GRM1: variants seen among roughly 807,000 people sequenced by gnomAD.
GRM1 encodes metabotropic glutamate receptor 1.
A neutral mutation model predicts 90.9 loss-of-function variants in GRM1; 33 were observed. That is an observed-to-expected ratio of 0.36 (90% CI 0.28 to 0.49). The LOEUF (loss-of-function observed/expected upper bound fraction) is 0.49. Ranked by LOEUF, GRM1 falls within the 20% of genes least tolerant of loss-of-function variation. GRM1 has a pLI of 0.99. For synonymous variants in GRM1, 700 were observed against 613.2 expected (o/e 1.14, Z -2.09); for missense variants, 1,190 against 1,534.3 (o/e 0.78, Z 3.75).
At chr6:146,070,351 T>C (rs1775983348) in intron 1 of GRM1, among the ~76,000 whole-genome samples, 1 of 152,178 alleles carries the variant, frequency 6.6e-6, no homozygotes, top group African/African-American at 2.4e-5. Context: ...ATGATTTTAT[T>C]GAATACTTAG....
At chr6:146,320,200 T>C (rs1385645786) in intron 3 of GRM1, among the ~76,000 whole-genome samples, 5 of 152,230 alleles carry the variant, frequency 3.3e-5, no homozygotes, top group Admixed American at 3.3e-4. Flanking sequence ...ATCAAGGCCT[T>C]TTCTACATCT....
At chr6:146,260,316 GCA>G (rs1781642623) in intron 2 of GRM1, among the ~76,000 whole-genome samples, 1 of 152,020 alleles carries the variant, frequency 6.6e-6, no homozygotes, top group African/African-American at 2.4e-5. Context: ...CCATGTCCCT[GCA>G]AAGGACATGA....
At chr6:146,117,194 A>G (rs1225297047) in intron 1 of GRM1, among the ~76,000 whole-genome samples, 1 of 149,642 alleles carries the variant, frequency 6.7e-6, no homozygotes, top group African/African-American at 2.5e-5. Context: ...ATGCTTATCT[A>G]TTAATATTTT....
intron 2 of GRM1, among the ~76,000 whole-genome samples, chr6:146,201,123 A>T (rs1015065068): frequency 6.6e-6 from 1 of 152,160 alleles, no homozygotes; most frequent in Non-Finnish European, 1.5e-5. Flanking sequence ...TCTTTAAGGG[A>T]TGTTCAGTGA....
chr6:146,249,842 G>T (rs1781208705), intron 2 of GRM1, among the ~76,000 whole-genome samples: 1 of 152,180 alleles, frequency 6.6e-6, no homozygotes, highest in Non-Finnish European at 1.5e-5. Context: ...CCAGGGGGTG[G>T]GTTGAGAGGG....
chr6:146,198,094 G>A (rs1307201052), intron 2 of GRM1, among the ~76,000 whole-genome samples: 1 of 152,234 alleles, frequency 6.6e-6, no homozygotes, highest in Non-Finnish European at 1.5e-5. Flanking sequence ...TATCATGGAT[G>A]TTTGCACATA....
intron 1 of GRM1, among the ~76,000 whole-genome samples, chr6:146,051,041 G>A (rs1479592925): frequency 6.6e-6 from 1 of 151,936 alleles, no homozygotes; most frequent in Non-Finnish European, 1.5e-5. Context: ...TATAGTTCAA[G>A]CAGACACATA....
intron 1 of GRM1, among the ~76,000 whole-genome samples, chr6:146,121,374 C>A (rs1308667344): frequency 6.6e-6 from 1 of 151,958 alleles, no homozygotes; most frequent in Non-Finnish European, 1.5e-5. Context: ...TTTGTTGATC[C>A]TTTCAAAAAG....
intron 7 of GRM1, among the ~76,000 whole-genome samples, chr6:146,402,792 G>A (rs1167923212): frequency 6.6e-6 from 1 of 152,102 alleles, no homozygotes; most frequent in African/African-American, 2.4e-5. Flanking sequence ...TCTGTTTTTA[G>A]CAAAGTTTAC....
chr6:146,200,804 G>A (rs1779273894), intron 2 of GRM1, among the ~76,000 whole-genome samples: 1 of 152,094 alleles, frequency 6.6e-6, no homozygotes, highest in South Asian at 2.1e-4. Context: ...TAAAAGAGAG[G>A]GAAAGAGGAG....
Position 146,029,327 on chromosome 6 carries a change from G to A in GRM1, c.-191G>A. 1.6e-6 allele frequency: 1 copy of A among 626,436 alleles called. No homozygotes were observed. The highest frequency in any genetic ancestry group is 2.8e-6 in the Non-Finnish European group (1 of 351,566). 38.8% of individuals were successfully genotyped at this position (626,436 alleles called of 1,614,324 possible). A position where few individuals can be genotyped will look rare whatever the true frequency, so the allele number is the denominator to read the frequency against. The stretch of plus-strand genomic sequence containing the variant: ...TCCAGCTTGTAGAGGCGGTCGTGGA[G>A]GACCCAGAGGAGGAGACGAAGGGGA... On this transcript the variant is annotated 5_prime_UTR_variant, in exon 1 of 8. Coordinates refer to ENST00000282753, the MANE Select transcript of GRM1 (RefSeq NM_001278064.2).
intron 2 of GRM1, among the ~76,000 whole-genome samples, chr6:146,203,416 A>C (rs1779389610): frequency 6.6e-6 from 1 of 152,228 alleles, no homozygotes; most frequent in South Asian, 2.1e-4. Context: ...TCCAGCTAGC[A>C]GACATAGAAA....
chr6:146,341,505 A>C (rs1784979272), intron 3 of GRM1, among the ~76,000 whole-genome samples: 1 of 152,208 alleles, frequency 6.6e-6, no homozygotes, highest in Non-Finnish European at 1.5e-5. Flanking sequence ...TTTGTCTCAT[A>C]TATTCTCATC....
chr6:146,248,536 T>C (rs987212630), intron 2 of GRM1, among the ~76,000 whole-genome samples: 2 of 152,186 alleles, frequency 1.3e-5, no homozygotes, highest in African/African-American at 4.8e-5. Flanking sequence ...CTTTGCCTTC[T>C]GCCATGATTG....
At chr6:146,086,202 G>A (rs188624994) in intron 1 of GRM1, among the ~76,000 whole-genome samples, 3 of 152,142 alleles carry the variant, frequency 2.0e-5, no homozygotes, top group Non-Finnish European at 4.4e-5. Context: ...TATCATTTTC[G>A]TAAAGGCTAA....
chr6:146,092,325 C>T (rs1776741689), intron 1 of GRM1, among the ~76,000 whole-genome samples: 1 of 152,028 alleles, frequency 6.6e-6, no homozygotes, highest in Non-Finnish European at 1.5e-5. Flanking sequence ...CTACTGGGGA[C>T]TAGGGTTTCA....
chr6:146,320,901 A>C (rs1013991757), intron 3 of GRM1, among the ~76,000 whole-genome samples: 2 of 151,520 alleles, frequency 1.3e-5, no homozygotes, highest in African/African-American at 4.9e-5. Flanking sequence ...CTATTTGGTT[A>C]ATCTTTTCAA....
chr6:146,146,181 C>A (rs550787497), intron 1 of GRM1, among the ~76,000 whole-genome samples: 1 of 117,974 alleles, frequency 8.5e-6, no homozygotes, highest in South Asian at 3.0e-4. Context: ...CTCTGCCTCC[C>A]GGGTTCACGT....
intron 2 of GRM1, among the ~76,000 whole-genome samples, chr6:146,182,417 G>A (rs1201109896): frequency 6.6e-6 from 1 of 151,974 alleles, no homozygotes; most frequent in East Asian, 1.9e-4. Context: ...TCATCCCTCA[G>A]TTCCCCCCAA....
Sources: gnomAD v4.1 joint callset for allele counts (sites outside exome capture counted in the v4.1 genomes callset) on GRCh38, gnomAD v4.1.1 for gene constraint, MANE v1.5 for transcripts, NCBI Gene and HGNC (gene_info 2026-07-23, HGNC 2026-07-21) for gene names.